The following CD109 variants were observed in gnomAD, a reference collection of about 807,000 sequenced individuals.
CD109 encodes the protein CD109 antigen.
A neutral mutation model predicts 165.8 loss-of-function variants in CD109; 149 were observed. That is an observed-to-expected ratio of 0.90 (90% CI 0.79 to 1.03). The LOEUF is 1.03. Ranked by LOEUF, CD109 falls within the 50% of genes least tolerant of loss-of-function variation. CD109 has a pLI of 0.00. For missense variants in CD109, 1,712 were observed against 1,677.8 expected (o/e 1.02, Z -0.36); for synonymous variants, 585 against 592.1 (o/e 0.99, Z 0.18).
At chr6:73,748,582 C>A (rs952609646) in intron 5 of CD109, among the ~76,000 whole-genome samples, 1 of 152,186 alleles carries the variant, frequency 6.6e-6, no homozygotes, top group Non-Finnish European at 1.5e-5. Flanking sequence ...GCCACTCAGG[C>A]GCAATGAATA....
At chr6:73,767,104 T>G in intron 13 of CD109, 94 bp downstream of exon 13, 1 of 1,000,990 alleles carries the variant, frequency 1.0e-6, no homozygotes. Context: ...GTTTGTTATA[T>G]AGCTAAACTC....
chr6:73,787,543 T>C (rs1774742291), intron 21 of CD109, 91 bp downstream of exon 21: 1 of 926,596 alleles, frequency 1.1e-6, no homozygotes, highest in African/African-American at 1.7e-5. Flanking sequence ...TTTGTTGGCA[T>C]ATCTAGTAGG....
chr6:73,697,515 A>T lies in CD109; in HGVS notation c.190A>T (p.Lys64Ter). The T allele has an allele frequency of 6.2e-7, 1 of 1,614,172 alleles. No homozygotes were observed. Among genetic ancestry groups the T allele is most frequent in the Non-Finnish European group, 8.5e-7 (1 of 1,180,008 alleles). Reference protein sequence around the residue: ...SQVTVKAELLKTASNLTVSVL... With the variant: ...SQVTVKAELL ...GGTGACTGTGAAGGCGGAGCTGCTC[A>T]AGACAGCATCAAACCTCACTGTCTC... Residue 64 changes from lysine (K) to a stop codon, truncating the protein, a stop_gained, in exon 2 of 33, where the codon AAG (lysine) becomes TAG (stop). Coordinates refer to ENST00000287097, the MANE Select transcript of CD109 (RefSeq NM_133493.5). LOFTEE classifies it high-confidence loss of function.
At position 73,785,846 on chromosome 6, in the gene CD109, G is replaced by T. The variant is rs201920699; in HGVS notation, c.2337+369G>T. 3.5e-3 allele frequency among the ~76,000 whole-genome samples: 464 copies of T among 133,892 alleles called. 1 individual carries two copies. Among genetic ancestry groups the T allele is most frequent in the African/African-American group, 9.1e-3 (332 of 36,660 alleles). 87.8% of individuals were successfully genotyped at this position (133,892 alleles called of 152,430 possible). ...GCCACTCTGTGCCCACTGCAGTTTT[G>T]TTTTTTTTTTTTTTTTGAGACATGG... On this transcript the variant is annotated intron_variant, in intron 20 of 32. Coordinates refer to ENST00000287097, the MANE Select transcript of CD109 (RefSeq NM_133493.5).
rs754006927 is a variant in CD109, at chr6:73,815,095, A to G, written c.3883A>G (p.Asn1295Asp). The change falls in exon 30 of 33, where the codon AAT becomes GAT. Residue 1295 changes from asparagine to aspartate, a missense_variant. Coordinates refer to ENST00000287097, the MANE Select transcript of CD109 (RefSeq NM_133493.5). The part of the protein sequence containing the change: ...VAVKENKDDL[N>D]HVDLNVCTSF... The stretch of plus-strand genomic sequence containing the variant: ...TGTAAAAGAAAATAAAGATGATCTC[A>G]ATCATGTGGATTTGAATGTGTGTAC... The G allele has an allele frequency of 6.3e-7, 1 of 1,587,714 alleles. No homozygotes were observed. Among genetic ancestry groups the G allele is most frequent in the Non-Finnish European group, 8.5e-7 (1 of 1,171,830 alleles).
chr6:73,768,006 A>G (rs1238957342), intron 13 of CD109, 49 bp from the exon 14 acceptor site: 2 of 1,432,568 alleles, frequency 1.4e-6, no homozygotes, highest in African/African-American at 2.8e-5. Context: ...TTCAGATGAG[A>G]TCCTACTAGG....
chr6:73,727,597 A>G (rs1772190332), intron 3 of CD109, among the ~76,000 whole-genome samples: 1 of 152,176 alleles, frequency 6.6e-6, no homozygotes, highest in African/African-American at 2.4e-5. Context: ...GCATATTTGC[A>G]TTTATTTTAA....
intron 24 of CD109, 102 bp downstream of exon 24, chr6:73,803,403 C>T (rs1775450044): frequency 1.3e-6 from 1 of 767,830 alleles, no homozygotes; most frequent in African/African-American, 1.9e-5. Flanking sequence ...ATATTATAGA[C>T]TGGGAGGTTG....
At chr6:73,819,435 T>C (rs1004876784) in intron 31 of CD109, among the ~76,000 whole-genome samples, 1 of 152,252 alleles carries the variant, frequency 6.6e-6, no homozygotes, top group African/African-American at 2.4e-5. Flanking sequence ...TCTTTTCTTA[T>C]AGCATCTATA....
rs763405190 is a variant in CD109 at position 73,697,552 on chromosome 6, CAGA to C, written c.230_232del (p.Glu77del). On this transcript the variant is annotated inframe_deletion, in exon 2 of 33. Coordinates refer to ENST00000287097, the MANE Select transcript of CD109 (RefSeq NM_133493.5). ...AACCTCACTGTCTCTGTCCTGGAAGCAGAAGGAGTCTTTGAAAAAGGTAAGATA... is the reference window on the plus strand; with the variant it reads ...AACCTCACTGTCTCTGTCCTGGAAGCAGGAGTCTTTGAAAAAGGTAAGATA... The C allele has an allele frequency of 1.2e-6, 2 of 1,613,576 alleles. No individual in the cohort carries two copies. The highest frequency in any genetic ancestry group is 1.3e-5 in the African/African-American group (1 of 74,906).
At chr6:73,714,983 GTCCAGTGGC>G (rs1771670696) in intron 2 of CD109, among the ~76,000 whole-genome samples, 1 of 152,256 alleles carries the variant, frequency 6.6e-6, no homozygotes, top group African/African-American at 2.4e-5. Context: ...ACAAGGCTGG[GTCCAGTGGC>G]TCACGCCTGT....
intron 5 of CD109, among the ~76,000 whole-genome samples, chr6:73,746,138 T>C (rs954264491): frequency 6.6e-6 from 1 of 152,366 alleles, no homozygotes; most frequent in East Asian, 1.9e-4. Context: ...CACCCAGTGG[T>C]TATATCTTAT....
At chr6:73,803,106 A>G (rs969593462) in intron 23 of CD109, 114 bp from the exon 24 acceptor site, 2 of 717,730 alleles carry the variant, frequency 2.8e-6, no homozygotes, top group African/African-American at 3.6e-5. Flanking sequence ...TCTTGGTTTG[A>G]TTTCTTCTTT....
intron 21 of CD109, among the ~76,000 whole-genome samples, chr6:73,788,095 G>A (rs545984880): frequency 2.0e-5 from 3 of 152,182 alleles, no homozygotes; most frequent in African/African-American, 4.8e-5. Context: ...AAAATGGTAC[G>A]CGCTGTGTCA....
intron 24 of CD109, 132 bp from the exon 25 acceptor site, chr6:73,806,712 T>G: frequency 1.6e-6 from 1 of 628,400 alleles, no homozygotes; most frequent in Non-Finnish European, 2.7e-6. Flanking sequence ...TCTTTCCTTG[T>G]TCCATCTTCA....
chr6:73,782,568 C>T, intron 17 of CD109, 46 bp from the exon 18 acceptor site: 1 of 1,566,656 alleles, frequency 6.4e-7, no homozygotes, highest in Non-Finnish European at 8.8e-7. Context: ...ACAATTCATT[C>T]TCTCCAGTGA....
intron 4 of CD109, among the ~76,000 whole-genome samples, chr6:73,735,749 C>G (rs778078729): frequency 5.1e-4 from 78 of 152,046 alleles, no homozygotes; most frequent in Non-Finnish European, 9.4e-4. Flanking sequence ...TTGAGTCATG[C>G]CAGTCACTTG....
intron 3 of CD109, among the ~76,000 whole-genome samples, chr6:73,726,433 A>G (rs190307242): frequency 6.6e-5 from 10 of 152,352 alleles, no homozygotes; most frequent in African/African-American, 2.4e-4. Flanking sequence ...ATGTGTAAGT[A>G]TAATTACTAA....
intron 23 of CD109, among the ~76,000 whole-genome samples, chr6:73,802,776 T>G (rs1775416594): frequency 1.3e-5 from 2 of 150,478 alleles, no homozygotes; most frequent in African/African-American, 4.9e-5. Flanking sequence ...CTCGGCTCAC[T>G]GCAACCTCTG....
Sources: gnomAD v4.1 joint callset for allele counts (sites outside exome capture counted in the v4.1 genomes callset) on GRCh38, gnomAD v4.1.1 for gene constraint, MANE v1.5 for transcripts, NCBI Gene and HGNC (gene_info 2026-07-23, HGNC 2026-07-21) for gene names.